The following GALNT13 variants were observed in gnomAD, a reference collection of about 807,000 sequenced individuals.
The protein encoded by GALNT13 is UDP-GalNAc:polypeptide N-acetylgalactosaminyltransferase 13.
Under a neutral mutation model 64.2 loss-of-function variants are expected in GALNT13, and 28 were observed. The observed-to-expected ratio is 0.44, with a 90% CI of 0.32 to 0.60. The LOEUF (loss-of-function observed/expected upper bound fraction) is 0.60. GALNT13 is among the 20% of genes least tolerant of loss of function. The pLI, the probability that GALNT13 is intolerant of heterozygous loss-of-function variation, is 0.05. For synonymous variants in GALNT13, 214 were observed against 224.6 expected, an observed-to-expected ratio of 0.95 and a Z score of 0.42; for missense variants, 577 against 669.8, an observed-to-expected ratio of 0.86 and a Z score of 1.53.
chr2:153,535,417 T>A, the GALNT13 span, among the ~76,000 whole-genome samples: 2 of 152,232 alleles, frequency 1.3e-5, no homozygotes, highest in East Asian at 3.9e-4. Context: ...CTGTGATGGC[T>A]TGGAAAAACA....
chr2:153,116,794 CTTTTTTTTTTTTT>C, the GALNT13 span, among the ~76,000 whole-genome samples: 1 of 82,466 alleles, frequency 1.2e-5, no homozygotes, highest in Admixed American at 1.9e-4. Flanking sequence ...GTGTTGTCTT[CTTTTTTTTTTTTT>C]TTTTTTTTTT....
At chr2:153,404,776 GT>G in the GALNT13 span, among the ~76,000 whole-genome samples, 1 of 152,302 alleles carries the variant, frequency 6.6e-6, no homozygotes, top group South Asian at 2.1e-4. Context: ...ATATTTGAAA[GT>G]AAATTCAGTA....
chr2:153,130,726 C>G, the GALNT13 span, among the ~76,000 whole-genome samples: 4 of 152,042 alleles, frequency 2.6e-5, no homozygotes, highest in Non-Finnish European at 5.9e-5. Context: ...CACAAAGATC[C>G]CTAGAAAATT....
chr2:154,379,037 G>A lies in GALNT13; in HGVS notation c.1157-16954G>A, dbSNP rs78713736. On this transcript the variant is annotated intron_variant, in intron 9 of 12. Coordinates refer to ENST00000392825, the MANE Select transcript of GALNT13 (RefSeq NM_052917.4). ...GTAAAATGAAACCATAATAACGGCA[G>A]TAATTTCAGAGGACATAGAATATGT... Among the ~76,000 whole-genome samples the A allele has an allele frequency of 2.6e-3, 401 of 152,090 alleles. 5 individuals carry two copies. Among genetic ancestry groups the A allele is most frequent in the African/African-American group, 9.1e-3 (377 of 41,506 alleles).
the GALNT13 span, among the ~76,000 whole-genome samples, chr2:153,841,802 T>A: frequency 7.2e-5 from 11 of 152,312 alleles, no homozygotes; most frequent in African/African-American, 2.6e-4. Context: ...TCCTTCTTTA[T>A]TAAGTAGTCT....
At chr2:153,503,273 G>T in the GALNT13 span, among the ~76,000 whole-genome samples, 1 of 152,112 alleles carries the variant, frequency 6.6e-6, no homozygotes, top group Non-Finnish European at 1.5e-5. Context: ...AGACGATGAG[G>T]ATCCAGTTTC....
chr2:154,169,757 G>A (rs1200585374), intron 4 of GALNT13, among the ~76,000 whole-genome samples: 2 of 152,156 alleles, frequency 1.3e-5, no homozygotes, highest in Admixed American at 6.5e-5. Context: ...TTACTTAATG[G>A]TGGATGAGGA....
chr2:153,899,362 TAG>T (rs1688081140), intron 1 of GALNT13, among the ~76,000 whole-genome samples: 1 of 152,224 alleles, frequency 6.6e-6, no homozygotes, highest in African/African-American at 2.4e-5. Context: ...TGAAGAAATA[TAG>T]AGATTTACTA....
chr2:153,873,961 A>G (rs747894393), intron 1 of GALNT13, among the ~76,000 whole-genome samples: 2 of 151,904 alleles, frequency 1.3e-5, no homozygotes, highest in Non-Finnish European at 1.5e-5. Context: ...AGGTCAACCT[A>G]TTGGTTATTT....
intron 9 of GALNT13, among the ~76,000 whole-genome samples, chr2:154,331,747 C>G (rs1274848117): frequency 2.0e-5 from 3 of 152,074 alleles, no homozygotes; most frequent in Non-Finnish European, 2.9e-5. Context: ...ATGTGGGCAT[C>G]TGTCTCAGAG....
the GALNT13 span, among the ~76,000 whole-genome samples, chr2:153,652,647 C>G: frequency 6.6e-6 from 1 of 151,986 alleles, no homozygotes; most frequent in Non-Finnish European, 1.5e-5. Context: ...ACAGAAAGAT[C>G]AATAACCATG....
chr2:154,328,269 C>T (rs1445784860), intron 9 of GALNT13, among the ~76,000 whole-genome samples: 1 of 152,054 alleles, frequency 6.6e-6, no homozygotes, highest in Non-Finnish European at 1.5e-5. Flanking sequence ...GTTTATCACA[C>T]ATATGTTTGC....
intron 9 of GALNT13, among the ~76,000 whole-genome samples, chr2:154,360,494 T>A (rs1697003397): frequency 4.9e-5 from 1 of 20,262 alleles, no homozygotes; most frequent in Admixed American, 8.3e-4. Context: ...CCACAGACTG[T>A]GTTTTATCCC....
chr2:153,095,066 C>T, the GALNT13 span, among the ~76,000 whole-genome samples: 2 of 152,084 alleles, frequency 1.3e-5, no homozygotes, highest in African/African-American at 2.4e-5. Flanking sequence ...AGAGCTTCTG[C>T]ACAGCAAAAG....
chr2:154,188,939 T>A (rs1159269057), intron 4 of GALNT13, among the ~76,000 whole-genome samples: 2 of 152,176 alleles, frequency 1.3e-5, no homozygotes, highest in African/African-American at 4.8e-5. Context: ...CAATCACTTT[T>A]GCAACAACTT....
the GALNT13 span, among the ~76,000 whole-genome samples, chr2:153,351,737 G>T: frequency 6.6e-6 from 1 of 152,094 alleles, no homozygotes; most frequent in Admixed American, 6.6e-5. Flanking sequence ...CATTGGCCTT[G>T]TTCACTTAGT....
the GALNT13 span, among the ~76,000 whole-genome samples, chr2:153,523,593 G>C: frequency 6.0e-4 from 92 of 152,256 alleles, no homozygotes; most frequent in Non-Finnish European, 8.7e-4. Flanking sequence ...AATATTGTGA[G>C]TTTAATTTCA....
rs533583537 is a variant in GALNT13 at position 154,221,618 on chromosome 2, T to C, written c.312-20412T>C. On this transcript the variant is annotated intron_variant, in intron 4 of 12. Transcript: ENST00000392825. ...CTTAGAGAATGAAAGGCAATTCTAT[T>C]TGAGGCTTCTAGTAACAGATTCCAA... is the stretch of plus-strand genomic sequence containing the variant. Among the ~76,000 whole-genome samples the C allele has an allele frequency of 6.6e-5, 10 of 152,200 alleles. No homozygotes were observed. The South Asian group carries it at 1.4e-3, about 22-fold the overall frequency.
At chr2:154,216,974 T>C (rs1688082578) in intron 4 of GALNT13, among the ~76,000 whole-genome samples, 1 of 151,436 alleles carries the variant, frequency 6.6e-6, no homozygotes, top group African/African-American at 2.4e-5. Context: ...TTTTATTTTT[T>C]TAGAGATGGG....
Sources: allele counts gnomAD v4.1 joint callset (sites outside exome capture counted in the v4.1 genomes callset), GRCh38; gene constraint gnomAD v4.1.1; transcripts MANE v1.5; gene names NCBI Gene and HGNC (gene_info 2026-07-23, HGNC 2026-07-21).